The following OPRD1 variants were observed in gnomAD, a reference collection of about 807,000 sequenced individuals.
OPRD1 encodes the protein opioid receptor delta 1, also known as delta-type opioid receptor.
Under a neutral mutation model 17.5 loss-of-function variants are expected in OPRD1, and 19 were observed. The observed-to-expected ratio is 1.09, with a 90% CI of 0.76 to 1.60. The LOEUF is 1.60. OPRD1 is among the 40% of genes most tolerant of loss of function. The pLI, the probability that OPRD1 is intolerant of heterozygous loss-of-function variation, is 0.00. For synonymous variants in OPRD1, 256 were observed against 240.9 expected (o/e 1.06, Z -0.58); for missense variants, 483 against 547.2 (o/e 0.88, Z 1.17).
At chr1:28,830,869 A>G (rs1459398973) in intron 1 of OPRD1, among the ~76,000 whole-genome samples, 1 of 152,246 alleles carries the variant, frequency 6.6e-6, no homozygotes, top group African/African-American at 2.4e-5. Flanking sequence ...ATGATGCTGT[A>G]TGGCTTTAGC....
Position 28,862,948 on chromosome 1 carries a change from A to G in OPRD1, c.784A>G (p.Met262Val), listed in dbSNP as rs1165605364. The change falls in exon 3 of 3, where the codon ATG (methionine) becomes GTG (valine). Residue 262 changes from methionine to valine, a missense_variant. By Grantham distance (21) the Met-to-Val change is conservative. Coordinates refer to ENST00000234961, the MANE Select transcript of OPRD1 (RefSeq NM_000911.4). ...KDRSLRRITR[M>V]VLVVVGAFVV... ...CCGCAGCCTGCGGCGCATCACGCGC[A>G]TGGTGCTGGTGGTTGTGGGCGCCTT... The G allele has an allele frequency of 1.9e-6, 3 of 1,612,722 alleles. No individual in the cohort carries two copies. Among genetic ancestry groups the G allele is most frequent in the African/African-American group, 1.3e-5 (1 of 74,936 alleles).
intron 1 of OPRD1, among the ~76,000 whole-genome samples, chr1:28,849,560 G>A (rs1226615933): frequency 1.3e-5 from 2 of 152,168 alleles, no homozygotes; most frequent in Non-Finnish European, 2.9e-5. Context: ...ACGCACACGT[G>A]CACACGCACG....
rs111458467 is a variant in OPRD1, at chr1:28,837,700, C to T, written c.228-21254C>T. The stretch of plus-strand genomic sequence containing the variant: ...AAAAACCCAAAAAATGGTTCGGGAC[C>T]CCTCTTTTATGGAGAGTCTCACCGT... On this transcript the variant is annotated intron_variant, in intron 1 of 2. Transcript: ENST00000234961. Among the ~76,000 whole-genome samples, 542 of 150,902 alleles carry T rather than the reference C, an allele frequency of 3.6e-3. 6 individuals are homozygous for T. Among genetic ancestry groups the T allele is most frequent in the African/African-American group, 0.012 (490 of 41,060 alleles).
At chr1:28,850,870 A>G (rs1265924072) in intron 1 of OPRD1, among the ~76,000 whole-genome samples, 1 of 151,466 alleles carries the variant, frequency 6.6e-6, no homozygotes, top group African/African-American at 2.4e-5. Flanking sequence ...ACAAAAAGGA[A>G]ATTTCCCAGA....
chr1:28,824,832 C>T (rs950451518), intron 1 of OPRD1, among the ~76,000 whole-genome samples: 1 of 151,998 alleles, frequency 6.6e-6, no homozygotes, highest in Non-Finnish European at 1.5e-5. Flanking sequence ...GAACCCAGAG[C>T]CCACACTCTT....
In OPRD1 at chr1:28,812,370, G is replaced by C; in HGVS notation, c.-14G>C. 7.3e-7 allele frequency: 1 copy of C among 1,369,826 alleles called. No individual in the cohort carries two copies. The highest frequency in any genetic ancestry group is 9.4e-7 in the Non-Finnish European group (1 of 1,069,434). The allele number at this position is 1,369,826 out of a possible 1,614,324, so 84.9% of individuals were successfully genotyped here. On this transcript the variant is annotated 5_prime_UTR_variant, in exon 1 of 3. Transcript: ENST00000234961. Reference sequence around the variant, plus strand: ...GCACGGTGGAGAGGGACGCGGCGGAGCCGGCCGGCAGCCATGGAACCGGCC... The same window carrying C: ...GCACGGTGGAGAGGGACGCGGCGGACCCGGCCGGCAGCCATGGAACCGGCC...
chr1:28,836,593 C>T (rs1343223543), intron 1 of OPRD1, among the ~76,000 whole-genome samples: 2 of 152,102 alleles, frequency 1.3e-5, no homozygotes, highest in Admixed American at 6.6e-5. Context: ...GTGCTCCCTC[C>T]GAAGGCTCCG....
intron 1 of OPRD1, among the ~76,000 whole-genome samples, chr1:28,855,375 G>A (rs114673242): frequency 0.043 from 6,606 of 152,228 alleles, 472 homozygotes; most frequent in African/African-American, 0.15. Context: ...GGGGCACATC[G>A]GTGGAGGGGA....
Position 28,862,775 on chromosome 1 carries a change from G to A in OPRD1, c.611G>A (p.Ser204Asn). 6.2e-7 allele frequency: 1 copy of A among 1,612,700 alleles called. No homozygotes were observed. Among genetic ancestry groups the A allele is most frequent in the Non-Finnish European group, 8.5e-7 (1 of 1,179,342 alleles). Residue 204 changes from serine to asparagine, a missense_variant, in exon 3 of 3, where the codon AGC (serine) becomes AAC (asparagine). Coordinates refer to ENST00000234961, the MANE Select transcript of OPRD1 (RefSeq NM_000911.4). ...GAVVCMLQFP[S>N]PSWYWDTVTK... ...GTGGTGTGCATGCTCCAGTTCCCCA[G>A]CCCCAGCTGGTACTGGGACACGGTG...
intron 1 of OPRD1, among the ~76,000 whole-genome samples, chr1:28,827,855 G>T (rs1296618965): frequency 6.6e-6 from 1 of 152,076 alleles, no homozygotes; most frequent in Non-Finnish European, 1.5e-5. Flanking sequence ...CTACCAAGTT[G>T]CTGGGACTAC....
chr1:28,838,087 A>T (rs188326463), intron 1 of OPRD1, among the ~76,000 whole-genome samples: 1 of 152,050 alleles, frequency 6.6e-6, no homozygotes, highest in Admixed American at 6.6e-5. Flanking sequence ...TCATAGTAGC[A>T]TTCGATAGAA....
At chr1:28,829,576 C>T (rs535938000) in intron 1 of OPRD1, among the ~76,000 whole-genome samples, 35 of 152,222 alleles carry the variant, frequency 2.3e-4, no homozygotes, top group African/African-American at 8.4e-4. Context: ...ACCAGGTTGG[C>T]CAGGCTGGTC....
intron 1 of OPRD1, among the ~76,000 whole-genome samples, chr1:28,826,552 T>C (rs1222489447): frequency 6.6e-6 from 1 of 152,026 alleles, no homozygotes; most frequent in Non-Finnish European, 1.5e-5. Flanking sequence ...TATACTGTAG[T>C]CTATTAAGTG....
At chr1:28,854,621 A>G (rs1043644174) in intron 1 of OPRD1, among the ~76,000 whole-genome samples, 5 of 151,274 alleles carry the variant, frequency 3.3e-5, no homozygotes, top group Middle Eastern at 3.5e-3. Context: ...AGGTTGGACT[A>G]AGACATCCAC....
At chr1:28,850,824 AT>A (rs1347542084) in intron 1 of OPRD1, among the ~76,000 whole-genome samples, 3 of 130,850 alleles carry the variant, frequency 2.3e-5, no homozygotes, top group Non-Finnish European at 3.3e-5. Flanking sequence ...AATAATAATA[AT>A]AATAATAAAA....
chr1:28,841,449 G>C (rs949112898), intron 1 of OPRD1, among the ~76,000 whole-genome samples: 1 of 152,166 alleles, frequency 6.6e-6, no homozygotes, highest in African/African-American at 2.4e-5. Context: ...ATAGATATGC[G>C]CTTGTGTCCT....
intron 1 of OPRD1, among the ~76,000 whole-genome samples, chr1:28,851,992 C>T (rs980394896): frequency 2.0e-5 from 3 of 149,182 alleles, no homozygotes; most frequent in Non-Finnish European, 4.4e-5. Context: ...ACAGTGAAAC[C>T]CCATCTCTAC....
chr1:28,850,203 CAG>C (rs199538809), intron 1 of OPRD1, among the ~76,000 whole-genome samples: 25,068 of 151,804 alleles, frequency 0.17, 2,373 homozygotes, highest in Admixed American at 0.24. Context: ...TTTAAAAAGA[CAG>C]GGGCCAGGCA....
At chr1:28,834,178 C>T (rs931416143) in intron 1 of OPRD1, among the ~76,000 whole-genome samples, 1 of 152,034 alleles carries the variant, frequency 6.6e-6, no homozygotes, top group Non-Finnish European at 1.5e-5. Context: ...TCCCAAAGTG[C>T]TGGGATTACA....
Sources: gnomAD v4.1 joint callset for allele counts (sites outside exome capture counted in the v4.1 genomes callset) on GRCh38, gnomAD v4.1.1 for gene constraint, MANE v1.5 for transcripts, NCBI Gene and HGNC (gene_info 2026-07-23, HGNC 2026-07-21) for gene names.